The following ARSB variants were observed in gnomAD, a reference collection of about 807,000 sequenced individuals.
ARSB encodes arylsulfatase B.
In ARSB, 41 loss-of-function variants were observed where a neutral mutation model predicts 50.9. The ratio of observed to expected loss-of-function variants is 0.81; its 90% CI spans 0.63 to 1.04. The LOEUF (loss-of-function observed/expected upper bound fraction) is 1.04, where lower values mean the gene tolerates loss of function less well. ARSB is among the 50% of genes least tolerant of loss of function. The pLI is 0.00. For synonymous variants in ARSB, 269 were observed against 284.8 expected (o/e 0.94, Z 0.56); for missense variants, 672 against 693.3 (o/e 0.97, Z 0.35).
chr5:78,985,118 G>A lies in ARSB; in HGVS notation c.131C>T (p.Pro44Leu). 1 of 1,491,216 alleles carries A rather than the reference G, an allele frequency of 6.7e-7. No individual in the cohort carries two copies. Among genetic ancestry groups the A allele is most frequent in the Non-Finnish European group, 8.9e-7 (1 of 1,118,552 alleles). 92.4% of individuals were successfully genotyped at this position (1,491,216 alleles called of 1,614,324 possible). Residue 44 changes from proline to leucine, a missense_variant, in exon 1 of 8, where the codon CCG (proline) becomes CTG (leucine). Pro to Leu is a moderately conservative substitution (Grantham distance 98). Transcript: ENST00000264914. ...TGCCAGCAAGAAGACCAGGTGGGGC[G>A]GCCGGCTGGCCCCGGCGCCCGAGCC... ...PPGSGAGASR[P>L]PHLVFLLADD...
intron 4 of ARSB, among the ~76,000 whole-genome samples, chr5:78,927,740 C>G (rs912964045): frequency 6.6e-6 from 1 of 152,160 alleles, no homozygotes; most frequent in Admixed American, 6.5e-5. Flanking sequence ...AGCTTTGAAC[C>G]AGAGGAGTTT....
intron 5 of ARSB, 48 bp downstream of exon 5, chr5:78,885,536 G>A (rs753861380): frequency 6.2e-5 from 100 of 1,604,928 alleles, no homozygotes; most frequent in Non-Finnish European, 8.0e-5. Context: ...GAGTCAGGCT[G>A]CTCTTGGAGT....
chr5:78,892,248 C>CTTTTTTTTTTTTTTT (rs34960858), intron 4 of ARSB, among the ~76,000 whole-genome samples: 1 of 87,242 alleles, frequency 1.1e-5, no homozygotes, highest in Non-Finnish European at 2.1e-5. Flanking sequence ...ATTCTCTATT[C>CTTTTTTTTTTTTTTT]TTTTTTTTTT....
intron 1 of ARSB, among the ~76,000 whole-genome samples, chr5:78,980,940 T>TGAATTTACCAGTAACTAC (rs1259603081): frequency 4.5e-5 from 2 of 44,774 alleles, no homozygotes; most frequent in East Asian, 6.3e-4. Flanking sequence ...TTCTAGTTCT[T>TGAATTTACCAGTAACTAC]TTTTTTTTTT....
At chr5:78,785,006 G>A (rs1177338757) in intron 6 of ARSB, among the ~76,000 whole-genome samples, 3 of 151,946 alleles carry the variant, frequency 2.0e-5, no homozygotes, top group African/African-American at 7.3e-5. Flanking sequence ...CACCATGTTG[G>A]CCAGGCTGGT....
intron 2 of ARSB, among the ~76,000 whole-genome samples, chr5:78,968,802 A>C (rs1372482079): frequency 6.6e-6 from 1 of 152,242 alleles, no homozygotes; most frequent in Non-Finnish European, 1.5e-5. Context: ...TAGAACTCCA[A>C]CAAAGGTAAT....
At chr5:78,828,655 G>C (rs2112690123) in intron 6 of ARSB, among the ~76,000 whole-genome samples, 2 of 152,274 alleles carry the variant, frequency 1.3e-5, no homozygotes, top group South Asian at 4.1e-4. Flanking sequence ...GTATGTTCTT[G>C]TTCTCTCCAA....
chr5:78,971,512 A>G (rs968705004), intron 1 of ARSB, among the ~76,000 whole-genome samples: 4 of 152,220 alleles, frequency 2.6e-5, no homozygotes, highest in Admixed American at 6.5e-5. Context: ...AATGATTTTT[A>G]TAAGTGTTTG....
At chr5:78,800,409 A>C (rs943523609) in intron 6 of ARSB, among the ~76,000 whole-genome samples, 1 of 151,338 alleles carries the variant, frequency 6.6e-6, no homozygotes, top group Admixed American at 6.6e-5. Context: ...TCCCCTCTCC[A>C]CCATGCATTT....
intron 2 of ARSB, among the ~76,000 whole-genome samples, chr5:78,967,201 A>G (rs959807620): frequency 2.6e-5 from 4 of 152,242 alleles, no homozygotes; most frequent in African/African-American, 9.6e-5. Context: ...TATTATTAAA[A>G]TGACATTTTT....
At chr5:78,957,559 G>C (rs539199366) in intron 3 of ARSB, among the ~76,000 whole-genome samples, 9 of 152,186 alleles carry the variant, frequency 5.9e-5, no homozygotes, top group Non-Finnish European at 1.0e-4. Flanking sequence ...TGTAGAACCC[G>C]TACTTCCATT....
intron 3 of ARSB, among the ~76,000 whole-genome samples, chr5:78,963,770 C>T (rs1752093071): frequency 6.6e-6 from 1 of 152,158 alleles, no homozygotes; most frequent in Non-Finnish European, 1.5e-5. Flanking sequence ...ATTGTTAAGA[C>T]ATCCATTCTC....
intron 5 of ARSB, among the ~76,000 whole-genome samples, chr5:78,882,067 T>A (rs953843793): frequency 6.6e-6 from 1 of 152,264 alleles, no homozygotes; most frequent in African/African-American, 2.4e-5. Context: ...TCTCGGCCTC[T>A]CTGGGCATGC....
chr5:78,813,232 T>A (rs2112661731), intron 6 of ARSB, among the ~76,000 whole-genome samples: 1 of 152,076 alleles, frequency 6.6e-6, no homozygotes, highest in South Asian at 2.1e-4. Flanking sequence ...ACCGGCTAAT[T>A]TTTGTATTTT....
intron 4 of ARSB, among the ~76,000 whole-genome samples, chr5:78,912,108 G>A (rs888195313): frequency 2.0e-5 from 3 of 152,172 alleles, no homozygotes; most frequent in Non-Finnish European, 4.4e-5. Flanking sequence ...CATCAATTCT[G>A]AAACTACCTC....
At chr5:78,892,646 T>C (rs1324044436) in intron 4 of ARSB, among the ~76,000 whole-genome samples, 2 of 152,228 alleles carry the variant, frequency 1.3e-5, no homozygotes, top group East Asian at 3.8e-4. Flanking sequence ...AGAGCCAGGA[T>C]AACTCCTTTC....
In ARSB at chr5:78,985,252, T is replaced by TG; in HGVS notation, c.-5dup. On this transcript the variant is annotated 5_prime_UTR_variant, in exon 1 of 8. Transcript: ENST00000264914. Reference sequence around the variant, plus strand: ...TCGCCGCGCCGCGCGGACCCATCCTTGTCCGCCCGCGGTCCCAGCGCCTGT... The same window carrying TG: ...TCGCCGCGCCGCGCGGACCCATCCTTGGTCCGCCCGCGGTCCCAGCGCCTGT... 7.7e-7 allele frequency: 1 copy of TG among 1,306,002 alleles called. No individual in the cohort carries two copies. The allele number at this position is 1,306,002 out of a possible 1,614,324, so 80.9% of individuals were successfully genotyped here. A position where few individuals can be genotyped will look rare whatever the true frequency, so the allele number is the denominator to read the frequency against.
At chr5:78,786,150 C>T (rs1275949311) in intron 6 of ARSB, among the ~76,000 whole-genome samples, 1 of 152,150 alleles carries the variant, frequency 6.6e-6, no homozygotes, top group Non-Finnish European at 1.5e-5. Context: ...AGTTAATCCC[C>T]ATTTACTCCC....
Position 78,780,051 on chromosome 5 carries a change from C to T in ARSB, c.*346G>A, listed in dbSNP as rs556525312. On this transcript the variant is annotated 3_prime_UTR_variant, in exon 8 of 8. Coordinates refer to ENST00000264914, the MANE Select transcript of ARSB (RefSeq NM_000046.5). Reference sequence around the variant, plus strand: ...AAACTGGCTATTGGCAGAGGGGAATCGAACGTCTGACTTGTGAGTCTAAAA... The same window carrying T: ...AAACTGGCTATTGGCAGAGGGGAATTGAACGTCTGACTTGTGAGTCTAAAA... 9.4e-6 allele frequency: 3 copies of T among 318,904 alleles called. No individual in the cohort carries two copies. The highest frequency in any genetic ancestry group is 1.5e-4 in the East Asian group (2 of 13,226). 19.8% of individuals were successfully genotyped at this position (318,904 alleles called of 1,614,324 possible).
Sources: allele counts gnomAD v4.1 joint callset (sites outside exome capture counted in the v4.1 genomes callset), GRCh38; gene constraint gnomAD v4.1.1; transcripts MANE v1.5; gene names NCBI Gene and HGNC (gene_info 2026-07-23, HGNC 2026-07-21).